The following RTN4 variants were observed in gnomAD, a reference collection of about 807,000 sequenced individuals.
RTN4 encodes reticulon 4, also known as reticulon-4.
A neutral mutation model predicts 90.4 loss-of-function variants in RTN4; 32 were observed. The observed-to-expected ratio is 0.35, with a 90% confidence interval of 0.27 to 0.48. The LOEUF is 0.48. Ranked by LOEUF, RTN4 falls within the 20% of genes least tolerant of loss-of-function variation. The probability of loss-of-function intolerance (pLI) is 0.99; values close to 1 mark genes in which losing one functional copy is unlikely to be tolerated. For missense variants in RTN4, 1,706 were observed against 1,430.2 expected (o/e 1.19, Z -3.11); for synonymous variants, 629 against 552.5 (o/e 1.14, Z -1.94).
chr2:55,123,243 T>G, the RTN4 span, among the ~76,000 whole-genome samples: 1 of 152,320 alleles, frequency 6.6e-6, no homozygotes, highest in Non-Finnish European at 1.5e-5. Context: ...TTGTATGACC[T>G]CAGCAAGTTG....
chr2:55,053,458 G>T (rs2968790), upstream of RTN4, among the ~76,000 whole-genome samples: 187 of 152,122 alleles, frequency 1.2e-3, 2 homozygotes, highest in Non-Finnish European at 1.3e-3. Context: ...TGGCTGAGGC[G>T]GGTAGATCTC....
chr2:54,980,351 A>G (rs1466356666), intron 5 of RTN4, among the ~76,000 whole-genome samples: 1 of 152,188 alleles, frequency 6.6e-6, no homozygotes, highest in Non-Finnish European at 1.5e-5. Context: ...CCCCGTATCT[A>G]CACAATGGAC....
rs1223634209 is a variant in RTN4, at chr2:55,026,403, C to T, written c.1696G>A (p.Val566Ile). The change falls in exon 3 of 9, where the codon GTT (valine) becomes ATT (isoleucine). Residue 566 changes from valine (V) to isoleucine (I), a missense_variant. Physicochemically the swap from Val to Ile is conservative, Grantham distance 29 (BLOSUM62 3). Transcript: ENST00000337526. ...QEACESELNE[V>I]TGTKIAYETK... Reference sequence around the variant, plus strand: ...TCATAAGCAATCTTTGTACCAGTAACTTCATTCAATTCACTTTCACATGCT... The same window carrying T: ...TCATAAGCAATCTTTGTACCAGTAATTTCATTCAATTCACTTTCACATGCT... 19 of 1,613,816 alleles carry T rather than the reference C, an allele frequency of 1.2e-5. No homozygotes were observed. The highest frequency in any genetic ancestry group is 1.7e-5 in the Admixed American group (1 of 59,936).
the RTN4 span, among the ~76,000 whole-genome samples, chr2:55,123,931 A>G: frequency 6.6e-6 from 1 of 152,136 alleles, no homozygotes; most frequent in African/African-American, 2.4e-5. Context: ...GAAGTCCAGC[A>G]TCTCTCTGTA....
chr2:54,974,707 G>C lies in RTN4; in HGVS notation c.3418C>G (p.Leu1140Val). 1 of 1,613,528 alleles carries C rather than the reference G, an allele frequency of 6.2e-7. No individual in the cohort carries two copies. The highest frequency in any genetic ancestry group is 8.5e-7 in the Non-Finnish European group (1 of 1,179,462). ...TTTGTAGACTTACCCAAAATCAGTA[G>C]TGTCAGACCATTAAACAAGGCACCA... ...YVGALFNGLT[L>V]LILALISLFS... Residue 1140 changes from leucine (L) to valine (V), a missense_variant, in exon 6 of 9, where the codon CTA (leucine) becomes GTA (valine). By Grantham distance (32) the Leu-to-Val change is conservative (BLOSUM62 1). Coordinates refer to ENST00000337526, the MANE Select transcript of RTN4 (RefSeq NM_020532.5).
upstream of RTN4, among the ~76,000 whole-genome samples, chr2:55,052,719 C>G (rs1668118922): frequency 6.6e-6 from 1 of 152,130 alleles, no homozygotes. Context: ...AAAAATTTGC[C>G]TGATTTTCAA....
At chr2:55,075,981 A>G (rs2920884) in intron 2 of RTN4, among the ~76,000 whole-genome samples, 2 of 152,132 alleles carry the variant, frequency 1.3e-5, no homozygotes, top group Non-Finnish European at 2.9e-5. Context: ...CACAAAAATT[A>G]TAGAACAAAC....
At chr2:54,998,835 T>A (rs777442768) in intron 3 of RTN4, among the ~76,000 whole-genome samples, 4 of 152,214 alleles carry the variant, frequency 2.6e-5, no homozygotes, top group Non-Finnish European at 5.9e-5. Context: ...TGGTTCCTTA[T>A]TTTTGAAAAA....
intron 1 of RTN4, among the ~76,000 whole-genome samples, chr2:55,037,596 G>A (rs561114846): frequency 6.6e-6 from 1 of 152,300 alleles, no homozygotes; most frequent in East Asian, 1.9e-4. Flanking sequence ...ATTGCTGTGA[G>A]TAATAAAGTC....
intron 1 of RTN4, among the ~76,000 whole-genome samples, chr2:55,033,485 A>G (rs1682472000): frequency 6.6e-6 from 1 of 152,210 alleles, no homozygotes; most frequent in East Asian, 1.9e-4. Context: ...CATCCAAAGT[A>G]CAAGTTCCCA....
chr2:55,013,857 G>C (rs1680833662), intron 3 of RTN4, among the ~76,000 whole-genome samples: 1 of 152,122 alleles, frequency 6.6e-6, no homozygotes, highest in Non-Finnish European at 1.5e-5. Flanking sequence ...GGGAAAGAGG[G>C]TGGGAAAGCA....
chr2:55,048,352 T>C lies in RTN4; in HGVS notation c.556+1393A>G, dbSNP rs1384027410. ...CTAAATTTATCTTTAGATATATTTT[T>C]TCAATAATAAATCAACCTTAGCTTA... On this transcript the variant is annotated intron_variant, in intron 1 of 8. Transcript: ENST00000337526. Among the ~76,000 whole-genome samples the C allele has an allele frequency of 5.9e-5, 9 of 152,360 alleles. No homozygotes were observed. The East Asian group carries it at 1.3e-3, about 23-fold the overall frequency.
At chr2:54,995,490 C>T (rs1005119311) in intron 3 of RTN4, among the ~76,000 whole-genome samples, 22 of 152,206 alleles carry the variant, frequency 1.4e-4, no homozygotes, top group African/African-American at 3.6e-4. Flanking sequence ...CTCTAAGTGC[C>T]TTCATACTGC....
intron 4 of RTN4, 39 bp from the exon 5 acceptor site, chr2:54,982,692 G>C: frequency 3.8e-6 from 6 of 1,563,452 alleles, no homozygotes; most frequent in Non-Finnish European, 4.3e-6. Flanking sequence ...ACTAATTGGA[G>C]TGATTTTCCC....
intron 2 of RTN4, among the ~76,000 whole-genome samples, chr2:55,080,177 C>T (rs72914507): frequency 0.026 from 4,017 of 152,066 alleles, 168 homozygotes; most frequent in African/African-American, 0.088. Flanking sequence ...CCACCATACC[C>T]GGCTAACTTT....
intron 1 of RTN4, among the ~76,000 whole-genome samples, chr2:55,112,138 G>A (rs978893717): frequency 2.0e-5 from 3 of 152,346 alleles, no homozygotes; most frequent in African/African-American, 2.4e-5. Flanking sequence ...GTGGGGGAGC[G>A]TGTTCAGGAC....
At chr2:55,024,974 C>T (rs1188857181) in intron 3 of RTN4, 112 bp downstream of exon 3, 3 of 1,285,398 alleles carry the variant, frequency 2.3e-6, no homozygotes, top group Non-Finnish European at 3.2e-6. Context: ...GACTTCTTAC[C>T]AATGTGACAT....
chr2:55,025,815 C>T lies in RTN4; in HGVS notation c.2284G>A (p.Glu762Lys), dbSNP rs200560723. Reference sequence around the variant, plus strand: ...CTTTCTTTCACAAGCATCACAGTTTCATCTTGTTTTTGTGGAACGTCAGGT... The same window carrying T: ...CTTTCTTTCACAAGCATCACAGTTTTATCTTGTTTTTGTGGAACGTCAGGT... ...SIPDVPQKQD[E>K]TVMLVKESLT... The change falls in exon 3 of 9, where the codon GAA becomes AAA. Residue 762 changes from glutamate (E) to lysine (K), a missense_variant. Glu to Lys is a moderately conservative substitution (Grantham distance 56). Coordinates refer to ENST00000337526, the MANE Select transcript of RTN4 (RefSeq NM_020532.5). 5.6e-6 allele frequency: 9 copies of T among 1,613,550 alleles called. No individual in the cohort carries two copies. Among genetic ancestry groups the T allele is most frequent in the Non-Finnish European group, 7.6e-6 (9 of 1,179,818 alleles).
intron 1 of RTN4, among the ~76,000 whole-genome samples, chr2:55,044,677 C>G (rs1478158390): frequency 6.8e-6 from 1 of 147,934 alleles, no homozygotes; most frequent in Non-Finnish European, 1.5e-5. Context: ...TAATATAGCA[C>G]TAAAATAGCA....
Sources: allele counts gnomAD v4.1 joint callset (sites outside exome capture counted in the v4.1 genomes callset), GRCh38; gene constraint gnomAD v4.1.1; transcripts MANE v1.5; gene names NCBI Gene and HGNC (gene_info 2026-07-23, HGNC 2026-07-21).